Variants in GPR158 observed in about 807,000 individuals in gnomAD.
GPR158 encodes the protein metabotropic glycine receptor.
GPR158 carries 30 observed loss-of-function variants against 78.2 expected under a neutral mutation model. That is an observed-to-expected ratio of 0.38 (90% CI 0.29 to 0.52). GPR158 has a LOEUF of 0.52. Among genes scored for constraint, GPR158 ranks in the 20% least tolerant of loss-of-function variants. The pLI is 0.83. For missense variants in GPR158, 1,463 were observed against 1,523.5 expected, an observed-to-expected ratio of 0.96 and a Z score of 0.66; for synonymous variants, 581 against 591.1, an observed-to-expected ratio of 0.98 and a Z score of 0.25.
At chr10:25,377,669 C>CT (rs147477642) in intron 2 of GPR158, among the ~76,000 whole-genome samples, 1,679 of 152,092 alleles carry the variant, frequency 0.011, 29 homozygotes, top group African/African-American at 0.03. Context: ...ACCTAGCGTA[C>CT]TTTTTTGAGA....
At chr10:25,496,023 C>G (rs1321993103) in intron 5 of GPR158, among the ~76,000 whole-genome samples, 1 of 152,006 alleles carries the variant, frequency 6.6e-6, no homozygotes, top group Non-Finnish European at 1.5e-5. Flanking sequence ...TTATGACAAC[C>G]AAAAATATCT....
At chr10:25,524,375 CCTTA>C (rs1836322845) in intron 5 of GPR158, among the ~76,000 whole-genome samples, 1 of 152,146 alleles carries the variant, frequency 6.6e-6, no homozygotes, top group African/African-American at 2.4e-5. Flanking sequence ...ACTCATACTC[CCTTA>C]CTTCCACCAA....
chr10:25,498,803 C>T (rs973629658), intron 5 of GPR158, among the ~76,000 whole-genome samples: 17 of 152,178 alleles, frequency 1.1e-4, no homozygotes, highest in African/African-American at 4.1e-4. Flanking sequence ...TTAGAACAGC[C>T]TTTGCCTAGA....
At chr10:25,471,609 C>T (rs1835504689) in intron 5 of GPR158, among the ~76,000 whole-genome samples, 1 of 152,188 alleles carries the variant, frequency 6.6e-6, no homozygotes, top group South Asian at 2.1e-4. Context: ...TTCTCCATAT[C>T]CTTTCCAGCA....
At chr10:25,336,921 A>G (rs1161595154) in intron 2 of GPR158, among the ~76,000 whole-genome samples, 2 of 152,104 alleles carry the variant, frequency 1.3e-5, no homozygotes, top group Non-Finnish European at 2.9e-5. Context: ...GCCTTTTCTG[A>G]TGCAGCTAAA....
At chr10:25,322,179 A>G (rs1318662073) in intron 2 of GPR158, among the ~76,000 whole-genome samples, 3 of 152,140 alleles carry the variant, frequency 2.0e-5, no homozygotes. Context: ...CAGGAGATCG[A>G]GACCATCCTG....
At chr10:25,384,025 A>G (rs1235743713) in intron 2 of GPR158, among the ~76,000 whole-genome samples, 1 of 152,232 alleles carries the variant, frequency 6.6e-6, no homozygotes, top group African/African-American at 2.4e-5. Context: ...ATACTTGTGC[A>G]GCAGTGCCTG....
intron 8 of GPR158, among the ~76,000 whole-genome samples, chr10:25,590,754 A>C (rs1837331302): frequency 6.6e-6 from 1 of 152,232 alleles, no homozygotes; most frequent in African/African-American, 2.4e-5. Context: ...TTCTATGGTC[A>C]AAATGTGCTT....
chr10:25,282,934 T>A (rs1244622106), intron 2 of GPR158, among the ~76,000 whole-genome samples: 2 of 152,124 alleles, frequency 1.3e-5, no homozygotes, highest in Non-Finnish European at 2.9e-5. Context: ...CAGACTTTTG[T>A]GTCTATGATA....
chr10:25,504,983 CTTAGGAAAA>C (rs1349704304), intron 5 of GPR158, among the ~76,000 whole-genome samples: 1 of 152,126 alleles, frequency 6.6e-6, no homozygotes, highest in Admixed American at 6.5e-5. Context: ...GCTGTGCAGT[CTTAGGAAAA>C]TTATGTAATC....
chr10:25,430,013 C>A (rs963388887), intron 4 of GPR158, among the ~76,000 whole-genome samples: 2 of 142,276 alleles, frequency 1.4e-5, no homozygotes, highest in Admixed American at 1.4e-4. Context: ...CTGGCCAGGG[C>A]AATCAGGCAG....
At chr10:25,330,928 A>G (rs1324515753) in intron 2 of GPR158, among the ~76,000 whole-genome samples, 1 of 152,060 alleles carries the variant, frequency 6.6e-6, no homozygotes, top group Non-Finnish European at 1.5e-5. Flanking sequence ...GCCCATTTTT[A>G]TTTTTTAAAA....
At chr10:25,450,277 G>T (rs893478415) in intron 4 of GPR158, among the ~76,000 whole-genome samples, 1 of 151,874 alleles carries the variant, frequency 6.6e-6, no homozygotes, top group Non-Finnish European at 1.5e-5. Flanking sequence ...AGTGAGCCAT[G>T]GGGGACCCAA....
intron 1 of GPR158, among the ~76,000 whole-genome samples, chr10:25,206,236 C>A (rs1853028429): frequency 1.3e-5 from 2 of 152,274 alleles, no homozygotes; most frequent in Non-Finnish European, 2.9e-5. Flanking sequence ...ATCCGCCTGT[C>A]TCGGCCTCCC....
At chr10:25,496,675 G>C (rs61846653) in intron 5 of GPR158, among the ~76,000 whole-genome samples, 1 of 152,178 alleles carries the variant, frequency 6.6e-6, no homozygotes, top group Non-Finnish European at 1.5e-5. Flanking sequence ...TATCCTACAA[G>C]AGCAGCATGT....
chr10:25,348,510 C>G (rs1028864190), intron 2 of GPR158, among the ~76,000 whole-genome samples: 3 of 151,428 alleles, frequency 2.0e-5, no homozygotes, highest in African/African-American at 7.3e-5. Flanking sequence ...ATATTAATAG[C>G]ACTAAGAAGC....
rs201758512 is a variant in GPR158, at chr10:25,277,462, A to AG, written c.1008+56305_1008+56306insG. On this transcript the variant is annotated intron_variant, in intron 2 of 10. Transcript: ENST00000376351. ...AGTTGAGTAGCTGACTTTGGGGGAAAAAAGCAAAAGAGAGAGAGAGAGAGA... is the reference window on the plus strand; with the variant it reads ...AGTTGAGTAGCTGACTTTGGGGGAAAGAAAGCAAAAGAGAGAGAGAGAGAGA... 4.5e-3 allele frequency among the ~76,000 whole-genome samples: 675 copies of AG among 151,638 alleles called. 6 individuals are homozygous for AG. The highest frequency in any genetic ancestry group is 0.015 in the African/African-American group (598 of 41,218).
chr10:25,549,899 G>A (rs765923941), intron 5 of GPR158, among the ~76,000 whole-genome samples: 1 of 152,112 alleles, frequency 6.6e-6, no homozygotes, highest in African/African-American at 2.4e-5. Flanking sequence ...TCATACTCAG[G>A]GTTTTGGCAG....
intron 2 of GPR158, among the ~76,000 whole-genome samples, chr10:25,313,726 T>C (rs7896974): frequency 6.6e-6 from 1 of 152,086 alleles, no homozygotes; most frequent in African/African-American, 2.4e-5. Flanking sequence ...TAGAATTAGA[T>C]TCAGTTTGTT....
Sources: allele counts gnomAD v4.1 joint callset (sites outside exome capture counted in the v4.1 genomes callset), GRCh38; gene constraint gnomAD v4.1.1; transcripts MANE v1.5; gene names NCBI Gene and HGNC (gene_info 2026-07-23, HGNC 2026-07-21).